Variants in ZNF536 observed in about 807,000 individuals in gnomAD.
The protein encoded by ZNF536 is zinc finger protein 536.
ZNF536 carries 13 observed loss-of-function variants against 84.5 expected under a neutral mutation model. That is an observed-to-expected ratio of 0.15 (90% CI 0.10 to 0.24). The LOEUF (loss-of-function observed/expected upper bound fraction) is 0.24, where lower values mean the gene tolerates loss of function less well. ZNF536 is among the 10% of genes least tolerant of loss of function. The pLI is 1.00. For synonymous variants in ZNF536, 811 were observed against 742.5 expected (o/e 1.09, Z -1.50); for missense variants, 1,536 against 1,747.5 (o/e 0.88, Z 2.16).
chr19:30,689,174 G>A (rs1008036323), intron 1 of ZNF536, among the ~76,000 whole-genome samples: 5 of 152,252 alleles, frequency 3.3e-5, no homozygotes, highest in Non-Finnish European at 5.9e-5. Context: ...AGAGCTGAAG[G>A]TAGAGAGCTG....
chr19:30,399,560 A>T (rs951025921), intron 1 of ZNF536, among the ~76,000 whole-genome samples: 2 of 152,154 alleles, frequency 1.3e-5, no homozygotes, highest in African/African-American at 4.8e-5. Flanking sequence ...TCTTAAGTTT[A>T]AATTTTTAAT....
At chr19:30,320,665 C>T (rs763999993) in intron 2 of ZNF536, among the ~76,000 whole-genome samples, 1 of 152,080 alleles carries the variant, frequency 6.6e-6, no homozygotes, top group Non-Finnish European at 1.5e-5. Flanking sequence ...CGGTGTGGAG[C>T]GTACGTGGTA....
At chr19:30,344,729 G>T (rs1321189721) in intron 2 of ZNF536, among the ~76,000 whole-genome samples, 1 of 152,078 alleles carries the variant, frequency 6.6e-6, no homozygotes, top group African/African-American at 2.4e-5. Flanking sequence ...GGTTCCCCAT[G>T]GGCAGAAGGC....
intron 1 of ZNF536, among the ~76,000 whole-genome samples, chr19:30,632,214 A>G (rs907090742): frequency 5.3e-5 from 8 of 152,156 alleles, no homozygotes; most frequent in African/African-American, 1.4e-4. Context: ...ATGTCCTACT[A>G]TGTGCTGGGG....
chr19:30,258,573 C>T (rs1439024472), intron 1 of ZNF536, among the ~76,000 whole-genome samples: 1 of 152,140 alleles, frequency 6.6e-6, no homozygotes, highest in Non-Finnish European at 1.5e-5. Context: ...CAGCGAGCAC[C>T]TTGGTCATCT....
At chr19:30,235,615 A>G (rs1224589779) in intron 1 of ZNF536, among the ~76,000 whole-genome samples, 2 of 152,256 alleles carry the variant, frequency 1.3e-5, no homozygotes, top group Non-Finnish European at 2.9e-5. Context: ...AATATCTAGA[A>G]ACACTTATCC....
chr19:30,495,376 G>A (rs1267972257), intron 2 of ZNF536, among the ~76,000 whole-genome samples: 2 of 152,222 alleles, frequency 1.3e-5, no homozygotes, highest in Non-Finnish European at 2.9e-5. Flanking sequence ...TACTAAGTCA[G>A]CAGTTAATAA....
intron 1 of ZNF536, among the ~76,000 whole-genome samples, chr19:30,694,962 A>T (rs2051594057): frequency 6.6e-6 from 1 of 152,194 alleles, no homozygotes; most frequent in Non-Finnish European, 1.5e-5. Flanking sequence ...GGAAAGAGGA[A>T]AATGCAGAGC....
At chr19:30,242,343 C>A (rs1293660386) in intron 1 of ZNF536, among the ~76,000 whole-genome samples, 1 of 152,114 alleles carries the variant, frequency 6.6e-6, no homozygotes, top group Non-Finnish European at 1.5e-5. Flanking sequence ...TGCCTGGCTC[C>A]CCTCTGCTTC....
At position 30,699,149 on chromosome 19, in the gene ZNF536, C is replaced by T. The variant is rs113226796; in HGVS notation, c.170-11608C>T. Reference sequence around the variant, plus strand: ...CTTTCTTACTTTCTAGCACTAAATACCCCGGGATTATTTTGGTGTATTTCC... The same window carrying T: ...CTTTCTTACTTTCTAGCACTAAATATCCCGGGATTATTTTGGTGTATTTCC... On this transcript the variant is annotated intron_variant, in intron 1 of 1. Transcript: ENST00000592773. Among the ~76,000 whole-genome samples the T allele has an allele frequency of 7.2e-5, 11 of 152,184 alleles. No homozygotes were observed. In the East Asian group the frequency reaches 2.1e-3, roughly 29 times the overall value.
At chr19:30,578,442 C>T (rs926254215) in intron 1 of ZNF536, among the ~76,000 whole-genome samples, 1 of 152,246 alleles carries the variant, frequency 6.6e-6, no homozygotes, top group Non-Finnish European at 1.5e-5. Flanking sequence ...ATCCACAGGT[C>T]TTCCTGTTCC....
At chr19:30,289,399 T>G (rs1263573923) in intron 2 of ZNF536, among the ~76,000 whole-genome samples, 4 of 152,254 alleles carry the variant, frequency 2.6e-5, no homozygotes, top group African/African-American at 9.6e-5. Context: ...ACCCTTGTAG[T>G]CATTGAACTT....
intron 1 of ZNF536, among the ~76,000 whole-genome samples, chr19:30,684,794 C>A (rs1456517068): frequency 6.6e-6 from 1 of 152,140 alleles, no homozygotes; most frequent in East Asian, 1.9e-4. Context: ...CTGATTGACG[C>A]AGGGGGCGGG....
chr19:30,508,111 G>T (rs575097044), intron 2 of ZNF536, among the ~76,000 whole-genome samples: 2 of 152,300 alleles, frequency 1.3e-5, no homozygotes, highest in Non-Finnish European at 2.9e-5. Flanking sequence ...TCTGGAAAGG[G>T]AATTGCTCAG....
At chr19:30,409,789 G>T (rs991425467) in intron 1 of ZNF536, among the ~76,000 whole-genome samples, 7 of 152,146 alleles carry the variant, frequency 4.6e-5, no homozygotes, top group Non-Finnish European at 8.8e-5. Flanking sequence ...AATTTTATAT[G>T]CAAACTGTCT....
At chr19:30,382,567 G>A (rs1450381096) in intron 1 of ZNF536, among the ~76,000 whole-genome samples, 7 of 113,104 alleles carry the variant, frequency 6.2e-5, no homozygotes, top group Non-Finnish European at 8.8e-5. Flanking sequence ...TGTGGGCAGG[G>A]AATTTTTTTT....
chr19:30,504,205 C>A (rs996824663), intron 2 of ZNF536, among the ~76,000 whole-genome samples: 2 of 150,628 alleles, frequency 1.3e-5, no homozygotes, highest in African/African-American at 4.9e-5. Context: ...ACTATTCTTC[C>A]CTCCCTTCCT....
chr19:30,377,315 C>A (rs908941320), intron 1 of ZNF536, among the ~76,000 whole-genome samples: 1 of 152,036 alleles, frequency 6.6e-6, no homozygotes, highest in African/African-American at 2.4e-5. Context: ...AGGACCCCAC[C>A]ACTCACCCAA....
chr19:30,347,374 G>A (rs2047779703), intron 2 of ZNF536, among the ~76,000 whole-genome samples: 1 of 152,218 alleles, frequency 6.6e-6, no homozygotes, highest in Non-Finnish European at 1.5e-5. Flanking sequence ...CTGGCAGCTA[G>A]AACATTTGAT....
Sources: gnomAD v4.1 joint callset for allele counts (sites outside exome capture counted in the v4.1 genomes callset) on GRCh38, gnomAD v4.1.1 for gene constraint, MANE v1.5 for transcripts, NCBI Gene and HGNC (gene_info 2026-07-23, HGNC 2026-07-21) for gene names.